Variants in KIAA1217 observed in about 807,000 individuals in gnomAD.
KIAA1217 encodes sickle tail protein homolog.
KIAA1217 carries 88 observed loss-of-function variants against 163.9 expected under a neutral mutation model. That is an observed-to-expected ratio of 0.54 (90% CI 0.45 to 0.64). The LOEUF (loss-of-function observed/expected upper bound fraction) is 0.64. Among genes scored for constraint, KIAA1217 ranks in the 30% least tolerant of loss-of-function variants. The probability of loss-of-function intolerance (pLI) is 0.00; values close to 1 mark genes in which losing one functional copy is unlikely to be tolerated. For missense variants in KIAA1217, 2,372 were observed against 2,475.0 expected, an observed-to-expected ratio of 0.96 and a Z score of 0.88; for synonymous variants, 903 against 923.1, an observed-to-expected ratio of 0.98 and a Z score of 0.39.
intron 2 of KIAA1217, among the ~76,000 whole-genome samples, chr10:24,163,396 C>T (rs1308753614): frequency 6.6e-6 from 1 of 152,158 alleles, no homozygotes; most frequent in Non-Finnish European, 1.5e-5. Context: ...TCTCAAATTC[C>T]ATCTCTTCAT....
chr10:24,059,170 G>A (rs1269073861), intron 2 of KIAA1217, among the ~76,000 whole-genome samples: 1 of 152,120 alleles, frequency 6.6e-6, no homozygotes, highest in Non-Finnish European at 1.5e-5. Flanking sequence ...CTGATGTGGT[G>A]TATCACATTA....
At chr10:24,083,426 G>T (rs1487411638) in intron 2 of KIAA1217, among the ~76,000 whole-genome samples, 1 of 152,162 alleles carries the variant, frequency 6.6e-6, no homozygotes, top group Non-Finnish European at 1.5e-5. Flanking sequence ...CTTGGTGAAG[G>T]TATTGGTTTT....
intron 2 of KIAA1217, among the ~76,000 whole-genome samples, chr10:24,237,466 C>T (rs2072449709): frequency 6.6e-6 from 1 of 152,210 alleles, no homozygotes; most frequent in South Asian, 2.1e-4. Context: ...TCTGACTCTT[C>T]TCGCTCTCTT....
chr10:24,486,240 A>G (rs2065380213), intron 6 of KIAA1217, among the ~76,000 whole-genome samples: 1 of 152,166 alleles, frequency 6.6e-6, no homozygotes, highest in Non-Finnish European at 1.5e-5. Context: ...TTAAAACATG[A>G]GACCTTTCAC....
chr10:24,022,744 A>G (rs1324177577), intron 2 of KIAA1217, among the ~76,000 whole-genome samples: 1 of 151,762 alleles, frequency 6.6e-6, no homozygotes, highest in Non-Finnish European at 1.5e-5. Context: ...AATAAACTGT[A>G]GTGCCTTCCT....
chr10:24,506,469 A>T (rs1428826921), intron 9 of KIAA1217, among the ~76,000 whole-genome samples: 3 of 152,212 alleles, frequency 2.0e-5, no homozygotes, highest in African/African-American at 7.2e-5. Flanking sequence ...GTCCAATTAA[A>T]ATTTTAATGG....
chr10:24,504,066 A>G (rs2068024884), intron 9 of KIAA1217, among the ~76,000 whole-genome samples: 2 of 152,182 alleles, frequency 1.3e-5, no homozygotes, highest in Admixed American at 1.3e-4. Context: ...TCACCCCATC[A>G]GTGGCTGGCG....
At chr10:24,221,970 G>A (rs1245683563) in intron 2 of KIAA1217, among the ~76,000 whole-genome samples, 1 of 152,124 alleles carries the variant, frequency 6.6e-6, no homozygotes, top group East Asian at 1.9e-4. Context: ...CCCAAAATGA[G>A]ACCCCGTCTC....
intron 10 of KIAA1217, among the ~76,000 whole-genome samples, chr10:24,515,153 A>G (rs7914167): frequency 0.3 from 45,585 of 151,432 alleles, 7,166 homozygotes; most frequent in Middle Eastern, 0.4. Flanking sequence ...TGCAACCTCC[A>G]ACTCCTGGGT....
intron 3 of KIAA1217, among the ~76,000 whole-genome samples, chr10:24,382,978 G>A (rs1331082814): frequency 6.6e-6 from 1 of 151,544 alleles, no homozygotes; most frequent in African/African-American, 2.4e-5. Context: ...CTTCAGAGTA[G>A]ATGGGACTAC....
chr10:23,817,116 A>G (rs1837343243), intron 1 of KIAA1217, among the ~76,000 whole-genome samples: 1 of 152,176 alleles, frequency 6.6e-6, no homozygotes, highest in African/African-American at 2.4e-5. Context: ...CAAAAGCCAT[A>G]CTCTAAGAGT....
chr10:24,265,997 G>A (rs1384312532), intron 2 of KIAA1217, among the ~76,000 whole-genome samples: 2 of 151,936 alleles, frequency 1.3e-5, no homozygotes, highest in African/African-American at 2.4e-5. Flanking sequence ...AAGAGAAAAG[G>A]GCAGAAAGAT....
rs375999854 is a variant in KIAA1217, at chr10:24,542,776, T to C, written c.3612+6T>C. 3.5e-5 allele frequency: 56 copies of C among 1,613,428 alleles called. No homozygotes were observed. The African/African-American group carries it at 6.3e-4, about 18-fold the overall frequency. On this transcript the variant is annotated splice_donor_region_variant and intron_variant, in intron 18 of 20. Transcript: ENST00000376454. ...CCCAAATGGAATTCCAAAAGGTGAG[T>C]TCACCAGATCTGGGTTCCGACCAAT... is the stretch of plus-strand genomic sequence containing the variant.
At chr10:24,196,960 T>A (rs906044054) in intron 2 of KIAA1217, among the ~76,000 whole-genome samples, 3 of 152,134 alleles carry the variant, frequency 2.0e-5, no homozygotes, top group South Asian at 4.1e-4. Flanking sequence ...ATTTCTGGAG[T>A]GCCTACTATA....
intron 2 of KIAA1217, among the ~76,000 whole-genome samples, chr10:24,197,029 T>G (rs2067023151): frequency 6.6e-6 from 1 of 152,196 alleles, no homozygotes; most frequent in African/African-American, 2.4e-5. Context: ...CACTACGATA[T>G]GGAGTTAAAC....
At chr10:24,535,845 T>C (rs1277597910) in intron 16 of KIAA1217, among the ~76,000 whole-genome samples, 1 of 103,474 alleles carries the variant, frequency 9.7e-6, no homozygotes, top group Non-Finnish European at 2.2e-5. Flanking sequence ...AGAATTACTT[T>C]GGGAGTTAAA....
chr10:24,173,803 T>C (rs1487009680), intron 2 of KIAA1217, among the ~76,000 whole-genome samples: 1 of 152,220 alleles, frequency 6.6e-6, no homozygotes, highest in Non-Finnish European at 1.5e-5. Context: ...TAGTATTAGT[T>C]TGAGTAACCC....
At chr10:23,909,798 G>A (rs541667710) in intron 1 of KIAA1217, among the ~76,000 whole-genome samples, 2 of 152,178 alleles carry the variant, frequency 1.3e-5, no homozygotes, top group East Asian at 3.9e-4. Flanking sequence ...TAATCCTTTG[G>A]GTATATACCC....
chr10:23,817,674 A>T (rs926356607), intron 1 of KIAA1217, among the ~76,000 whole-genome samples: 2 of 152,070 alleles, frequency 1.3e-5, no homozygotes, highest in African/African-American at 4.8e-5. Flanking sequence ...AAAGAAGGGA[A>T]CAGGTTTTTG....
Sources: allele counts gnomAD v4.1 joint callset (sites outside exome capture counted in the v4.1 genomes callset), GRCh38; gene constraint gnomAD v4.1.1; transcripts MANE v1.5; gene names NCBI Gene and HGNC (gene_info 2026-07-23, HGNC 2026-07-21).